TRPM1: variants seen among roughly 807,000 people sequenced by gnomAD.
TRPM1 encodes TRPM1-203 APA Isoform, Intron 10.
Under a neutral mutation model 149.4 loss-of-function variants are expected in TRPM1, and 113 were observed. That is an observed-to-expected ratio of 0.76 (90% CI 0.65 to 0.88). TRPM1 has a LOEUF of 0.88. Ranked by LOEUF, TRPM1 falls within the 40% of genes least tolerant of loss-of-function variation. TRPM1 has a pLI of 0.00. For synonymous variants in TRPM1, 741 were observed against 759.5 expected (o/e 0.98, Z 0.40); for missense variants, 1,976 against 2,038.7 (o/e 0.97, Z 0.59).
At chr15:31,050,348 C>G in intron 12 of TRPM1, 61 bp downstream of exon 12, 5 of 1,612,980 alleles carry the variant, frequency 3.1e-6, no homozygotes, top group Non-Finnish European at 4.2e-6. Context: ...AGGACAAGAA[C>G]CATCCCTTCC....
intron 1 of TRPM1, among the ~76,000 whole-genome samples, chr15:31,127,570 G>C (rs2035966644): frequency 6.6e-6 from 1 of 152,172 alleles, no homozygotes; most frequent in South Asian, 2.1e-4. Flanking sequence ...ATTCCGTTTG[G>C]GTTCCACTGT....
intron 11 of TRPM1, among the ~76,000 whole-genome samples, chr15:31,056,723 G>C (rs1365473609): frequency 1.3e-5 from 2 of 152,142 alleles, no homozygotes; most frequent in East Asian, 3.9e-4. Flanking sequence ...ATGATCTTGA[G>C]AGATTTGTTT....
At chr15:31,044,422 AG>A (rs1322844440) in intron 16 of TRPM1, among the ~76,000 whole-genome samples, 1 of 152,200 alleles carries the variant, frequency 6.6e-6, no homozygotes, top group African/African-American at 2.4e-5. Context: ...CAAAAATACC[AG>A]TAAAATATGT....
chr15:31,050,012 A>G (rs3784595), intron 12 of TRPM1, among the ~76,000 whole-genome samples: 32,652 of 152,120 alleles, frequency 0.21, 4,857 homozygotes, highest in African/African-American at 0.42. Context: ...AACTGCTGTT[A>G]CCCCACACAC....
chr15:31,112,661 G>T (rs1420427931), intron 1 of TRPM1, among the ~76,000 whole-genome samples: 1 of 152,098 alleles, frequency 6.6e-6, no homozygotes, highest in Non-Finnish European at 1.5e-5. Flanking sequence ...TTCAGAGATA[G>T]CTCTTAGAGT....
At chr15:31,113,150 G>C (rs1332411585) in intron 1 of TRPM1, among the ~76,000 whole-genome samples, 1 of 152,108 alleles carries the variant, frequency 6.6e-6, no homozygotes, top group African/African-American at 2.4e-5. Flanking sequence ...TCTTCTGCCT[G>C]AATCACCCCC....
At position 31,081,370 on chromosome 15, in the gene TRPM1, T is replaced by C; in HGVS notation, c.-15A>G. On this transcript the variant is annotated 5_prime_UTR_variant, in exon 2 of 28. Transcript: ENST00000256552. ...GTATTAACCATGAGTTTTCAAAAAG[T>C]TGATATAAGGAAATAGCCTCAGTCC... 1 of 1,534,198 alleles carries C rather than the reference T, an allele frequency of 6.5e-7. No individual in the cohort carries two copies. Among genetic ancestry groups the C allele is most frequent in the Non-Finnish European group, 8.7e-7 (1 of 1,145,924 alleles).
upstream of TRPM1, among the ~76,000 whole-genome samples, chr15:31,104,893 T>G (rs2035582265): frequency 6.6e-6 from 1 of 152,072 alleles, no homozygotes; most frequent in Non-Finnish European, 1.5e-5. Context: ...CATGCCCAGC[T>G]GCAAAATGGT....
chr15:31,012,663 T>A (rs1245804161), intron 27 of TRPM1, among the ~76,000 whole-genome samples: 1 of 152,212 alleles, frequency 6.6e-6, no homozygotes, highest in East Asian at 1.9e-4. Flanking sequence ...TTTCATTAAA[T>A]TTGTAAAATT....
At chr15:31,143,823 C>A (rs963639235) in intron 1 of TRPM1, among the ~76,000 whole-genome samples, 1 of 151,940 alleles carries the variant, frequency 6.6e-6, no homozygotes, top group African/African-American at 2.4e-5. Context: ...AGAACGTTTG[C>A]TTTTCCTTCT....
chr15:31,123,613 TAAC>T (rs1303691281), intron 1 of TRPM1, among the ~76,000 whole-genome samples: 1 of 152,226 alleles, frequency 6.6e-6, no homozygotes, highest in East Asian at 1.9e-4. Context: ...GTGGGAATTG[TAAC>T]ATCATTTGTT....
At chr15:31,065,041 G>C (rs570647489) in intron 7 of TRPM1, 1 of 534,652 alleles carries the variant, frequency 1.9e-6, no homozygotes, top group Non-Finnish European at 3.8e-6. Flanking sequence ...GCTCCGTGCT[G>C]TGGGAAGTGA....
chr15:31,082,829 C>T (rs1237181745), intron 1 of TRPM1, among the ~76,000 whole-genome samples: 6 of 152,060 alleles, frequency 3.9e-5, no homozygotes, highest in Admixed American at 6.5e-5. Flanking sequence ...GTGAGGGGGC[C>T]GAGGAAGTGT....
At chr15:31,015,728 C>T (rs569625860) in intron 27 of TRPM1, among the ~76,000 whole-genome samples, 1 of 152,274 alleles carries the variant, frequency 6.6e-6, no homozygotes. Context: ...GACATTGACA[C>T]TTCCTCATAC....
Position 31,067,298 on chromosome 15 carries a change from G to A in TRPM1, c.494-111C>T, listed in dbSNP as rs1397638603. ...TCCCTACATTCCCTACAGATCAGGG[G>A]TGAGACACACTCATCTTTATCATTA... On this transcript the variant is annotated intron_variant, in intron 5 of 27. Coordinates refer to ENST00000256552, the MANE Select transcript of TRPM1 (RefSeq NM_001252024.2). 4 of 1,465,134 alleles carry A rather than the reference G, an allele frequency of 2.7e-6. No individual in the cohort carries two copies. The African/African-American group carries it at 5.6e-5, about 20-fold the overall frequency. The allele number at this position is 1,465,134 out of a possible 1,614,324, so 90.8% of individuals were successfully genotyped here. A position where few individuals can be genotyped will look rare whatever the true frequency, so the allele number is the denominator to read the frequency against.
intron 23 of TRPM1, among the ~76,000 whole-genome samples, chr15:31,030,253 G>A (rs1382611147): frequency 1.3e-5 from 2 of 152,222 alleles, no homozygotes; most frequent in African/African-American, 4.8e-5. Context: ...TATTATAGCT[G>A]ATGCTTTATG....
At chr15:31,113,507 A>G (rs927065961) in intron 1 of TRPM1, among the ~76,000 whole-genome samples, 5 of 152,116 alleles carry the variant, frequency 3.3e-5, no homozygotes, top group Non-Finnish European at 7.4e-5. Flanking sequence ...AGTGACTGAG[A>G]ATTTTCCAAA....
At chr15:31,156,889 C>T (rs1024082838) in intron 1 of TRPM1, among the ~76,000 whole-genome samples, 5 of 151,806 alleles carry the variant, frequency 3.3e-5, no homozygotes, top group Admixed American at 6.6e-5. Context: ...TTTTGGATTT[C>T]CCTTGTTTTA....
intron 1 of TRPM1, among the ~76,000 whole-genome samples, chr15:31,108,162 T>A (rs2141021333): frequency 6.6e-6 from 1 of 152,214 alleles, no homozygotes; most frequent in East Asian, 1.9e-4. Context: ...CTGTCCAATT[T>A]TTTTTTCTAT....
Sources: gnomAD v4.1 joint callset for allele counts (sites outside exome capture counted in the v4.1 genomes callset) on GRCh38, gnomAD v4.1.1 for gene constraint, MANE v1.5 for transcripts, NCBI Gene and HGNC (gene_info 2026-07-23, HGNC 2026-07-21) for gene names.